ETV1: variants seen among roughly 807,000 people sequenced by gnomAD.
ETV1 encodes ETS translocation variant 1.
In ETV1, 27 loss-of-function variants were observed where a neutral mutation model predicts 62.3. That is an observed-to-expected ratio of 0.43 (90% CI 0.32 to 0.60). The LOEUF is 0.60. Ranked by LOEUF, ETV1 falls within the 20% of genes least tolerant of loss-of-function variation. The probability of loss-of-function intolerance (pLI) is 0.06; values close to 1 mark genes in which losing one functional copy is unlikely to be tolerated. For missense variants in ETV1, 605 were observed against 605.8 expected, an observed-to-expected ratio of 1.00 and a Z score of 0.01; for synonymous variants, 222 against 199.6, an observed-to-expected ratio of 1.11 and a Z score of -0.94.
At chr7:13,979,413 A>G (rs1781764476) in intron 5 of ETV1, among the ~76,000 whole-genome samples, 1 of 152,070 alleles carries the variant, frequency 6.6e-6, no homozygotes, top group South Asian at 2.1e-4. Context: ...AAATCTGTAC[A>G]TTAGCATTCT....
chr7:13,947,551 T>G (rs112080703), intron 6 of ETV1, among the ~76,000 whole-genome samples: 10 of 152,200 alleles, frequency 6.6e-5, no homozygotes, highest in Admixed American at 2.6e-4. Flanking sequence ...CTAAGCACCA[T>G]GTCTGACTAA....
intron 9 of ETV1, among the ~76,000 whole-genome samples, chr7:13,929,267 T>C (rs936048485): frequency 2.6e-5 from 4 of 152,168 alleles, no homozygotes; most frequent in African/African-American, 9.7e-5. Context: ...ACAATGGGAA[T>C]TTCAAGATAC....
In ETV1 at chr7:13,897,325, C is replaced by T. The variant is rs189985265; in HGVS notation, c.1213-1238G>A. 8.9e-4 allele frequency among the ~76,000 whole-genome samples: 135 copies of T among 152,200 alleles called. No individual in the cohort carries two copies. In the Middle Eastern group the frequency reaches 0.01, roughly 12 times the overall value. On this transcript the variant is annotated intron_variant, in intron 13 of 13. Transcript: ENST00000430479. Reference sequence around the variant, plus strand: ...TTTTGATGTGGGGCAACAGTGTGTTCCTGGGTTATAAAGTATTGTTATATC... The same window carrying T: ...TTTTGATGTGGGGCAACAGTGTGTTTCTGGGTTATAAAGTATTGTTATATC...
At position 13,950,014 on chromosome 7, in the gene ETV1, C is replaced by G. The variant is rs1159492556; in HGVS notation, c.236-10768G>C. On this transcript the variant is annotated intron_variant, in intron 6 of 13. Coordinates refer to ENST00000430479, the MANE Select transcript of ETV1 (RefSeq NM_004956.5). ...AGTCTGCCCCTGGAAGTTATTTCGG[C>G]AACACAGGGGAAAAGTTATGTGAAC... Among the ~76,000 whole-genome samples the G allele has an allele frequency of 2.0e-5, 3 of 152,122 alleles. No homozygotes were observed. In the East Asian group the frequency reaches 5.8e-4, roughly 29 times the overall value.
At position 13,939,176 on chromosome 7, in the gene ETV1, G is replaced by T; in HGVS notation, c.306C>A (p.Ala102=). The T allele has an allele frequency of 6.2e-7, 1 of 1,613,344 alleles. No individual in the cohort carries two copies. The highest frequency in any genetic ancestry group is 1.1e-5 in the South Asian group (1 of 90,894). The stretch of plus-strand genomic sequence containing the variant: ...ATTTAAAGGGCTGTTCTTGACTGCA[G>T]GCAGAGCTGATTTCTGAACATGGAC... ...PHSPCSEISS[A]CSQEQPFKFS... The change falls in exon 7 of 14, where the codon GCC becomes GCA. Residue 102 remains alanine, a synonymous_variant. Coordinates refer to ENST00000430479, the MANE Select transcript of ETV1 (RefSeq NM_004956.5).
intron 9 of ETV1, among the ~76,000 whole-genome samples, chr7:13,922,363 TG>T (rs113523006): frequency 0.15 from 22,174 of 152,140 alleles, 2,232 homozygotes; most frequent in African/African-American, 0.29. Context: ...CCTCCTTAGC[TG>T]CCTAATTAGA....
At chr7:13,908,959 A>G (rs1278208945) in intron 11 of ETV1, among the ~76,000 whole-genome samples, 1 of 151,960 alleles carries the variant, frequency 6.6e-6, no homozygotes, top group Admixed American at 6.6e-5. Context: ...CTTCCTCAAG[A>G]TGCCAACTTT....
intron 6 of ETV1, among the ~76,000 whole-genome samples, chr7:13,970,901 C>G (rs1054934762): frequency 1.3e-5 from 2 of 151,566 alleles, no homozygotes; most frequent in African/African-American, 2.4e-5. Context: ...TAACAGTAAT[C>G]TAAGTATTTC....
chr7:13,902,014 A>C (rs1782489342), intron 12 of ETV1, among the ~76,000 whole-genome samples: 1 of 152,144 alleles, frequency 6.6e-6, no homozygotes, highest in Admixed American at 6.5e-5. Context: ...CAGTATACAG[A>C]ATAGTGTAGC....
In ETV1 at chr7:13,893,984, G is replaced by C; in HGVS notation, c.*1882C>G. 4.3e-6 allele frequency: 1 copy of C among 233,024 alleles called. No individual in the cohort carries two copies. Among genetic ancestry groups the C allele is most frequent in the Non-Finnish European group, 8.5e-6 (1 of 117,860 alleles). 14.4% of individuals were successfully genotyped at this position (233,024 alleles called of 1,614,324 possible). ...CTTTTTGTAGGATTAAATGTGAAGA[G>C]TAGCAATTTTGGTGTTTGGGTTTCT... On this transcript the variant is annotated 3_prime_UTR_variant, in exon 14 of 14. Coordinates refer to ENST00000430479, the MANE Select transcript of ETV1 (RefSeq NM_004956.5).
In ETV1 at chr7:13,989,100, T is replaced by A; in HGVS notation, c.-48A>T. On this transcript the variant is annotated 5_prime_UTR_variant, in exon 3 of 14. An upstream start codon of the reference 5' UTR is lost. Coordinates refer to ENST00000430479, the MANE Select transcript of ETV1 (RefSeq NM_004956.5). ...AGCTCAGTATTTTATATTTTGAGCA[T>A]TTAGCTGGAGATTTCCTCAGGATCT... 6.6e-7 allele frequency: 1 copy of A among 1,520,914 alleles called. No individual in the cohort carries two copies. Among genetic ancestry groups the A allele is most frequent in the Non-Finnish European group, 9.0e-7 (1 of 1,112,304 alleles). The allele number at this position is 1,520,914 out of a possible 1,614,324, so 94.2% of individuals were successfully genotyped here. A position where few individuals can be genotyped will look rare whatever the true frequency, so the allele number is the denominator to read the frequency against.
chr7:13,931,696 A>G lies in ETV1; in HGVS notation c.608T>C (p.Met203Thr), dbSNP rs759831524. The stretch of plus-strand genomic sequence containing the variant: ...GTACATAGGACGTCCTTCCCTTGGC[A>G]TCGTCGGCAAAGGAGGAAAGGAGTT... Reference protein sequence around the residue: ...PCNSFPPLPTMPREGRPMYQR... With the variant: ...PCNSFPPLPTTPREGRPMYQR... The change falls in exon 9 of 14, where the codon ATG becomes ACG. Residue 203 changes from methionine to threonine, a missense_variant. Coordinates refer to ENST00000430479, the MANE Select transcript of ETV1 (RefSeq NM_004956.5). 2 of 1,614,052 alleles carry G rather than the reference A, an allele frequency of 1.2e-6. No homozygotes were observed. Among genetic ancestry groups the G allele is most frequent in the East Asian group, 2.2e-5 (1 of 44,886 alleles).
intron 9 of ETV1, among the ~76,000 whole-genome samples, chr7:13,923,891 G>A (rs559222281): frequency 2.0e-5 from 3 of 151,992 alleles, no homozygotes; most frequent in Admixed American, 6.6e-5. Context: ...AATTAGCCGG[G>A]CATGGTGGTG....
At chr7:13,982,778 G>A (rs891948805) in intron 5 of ETV1, among the ~76,000 whole-genome samples, 13 of 151,666 alleles carry the variant, frequency 8.6e-5, no homozygotes, top group Admixed American at 1.3e-4. Context: ...CCAAGTGGGG[G>A]AAAATAATTC....
At position 13,891,831 on chromosome 7, in the gene ETV1, A is replaced by G. The variant is rs1289361395; in HGVS notation, c.*4035T>C. 2 of 231,608 alleles carry G rather than the reference A, an allele frequency of 8.6e-6. No homozygotes were observed. Among genetic ancestry groups the G allele is most frequent in the Non-Finnish European group, 1.7e-5 (2 of 117,186 alleles). 14.3% of individuals were successfully genotyped at this position (231,608 alleles called of 1,614,324 possible). A position where few individuals can be genotyped will look rare whatever the true frequency, so the allele number is the denominator to read the frequency against. ...TTCTATTTCCTCTCTTCTCCATACC[A>G]AATCGCAAATGGAAAATAGCTTACT... On this transcript the variant is annotated 3_prime_UTR_variant, in exon 14 of 14. Coordinates refer to ENST00000430479, the MANE Select transcript of ETV1 (RefSeq NM_004956.5).
At chr7:13,917,595 G>A (rs1784325301) in intron 9 of ETV1, among the ~76,000 whole-genome samples, 1 of 151,726 alleles carries the variant, frequency 6.6e-6, no homozygotes, top group Non-Finnish European at 1.5e-5. Flanking sequence ...GGGGTTACAG[G>A]GGTGAGCCAC....
At chr7:13,905,850 A>G (rs1782900764) in intron 12 of ETV1, among the ~76,000 whole-genome samples, 1 of 152,168 alleles carries the variant, frequency 6.6e-6, no homozygotes. Context: ...AAATGTTTCT[A>G]CCAGGCCTGT....
rs756391075 is a variant in ETV1 at position 13,935,371 on chromosome 7, C to T, written c.554+337G>A. ...GTCTCCTAACTTTACAGAACAAGTA[C>T]ACACATATGCTCATAAAAATGGGAT... On this transcript the variant is annotated intron_variant, in intron 8 of 13. Transcript: ENST00000430479. 2.6e-5 allele frequency among the ~76,000 whole-genome samples: 4 copies of T among 152,126 alleles called. No individual in the cohort carries two copies. The East Asian group carries it at 5.8e-4, about 22-fold the overall frequency.
At chr7:13,907,992 G>A in intron 11 of ETV1, 1 of 368,894 alleles carries the variant, frequency 2.7e-6, no homozygotes, top group South Asian at 2.2e-5. Flanking sequence ...TTTTCCTTCT[G>A]AGATTTACAA....
Sources: allele counts gnomAD v4.1 joint callset (sites outside exome capture counted in the v4.1 genomes callset), GRCh38; gene constraint gnomAD v4.1.1; transcripts MANE v1.5; gene names NCBI Gene and HGNC (gene_info 2026-07-23, HGNC 2026-07-21).